NOS1: variants seen among roughly 807,000 people sequenced by gnomAD.
The protein encoded by NOS1 is NOS type I.
NOS1 carries 51 observed loss-of-function variants against 164.5 expected under a neutral mutation model. That is an observed-to-expected ratio of 0.31 (90% CI 0.25 to 0.39). The LOEUF is 0.39. Ranked by LOEUF, NOS1 falls within the 10% of genes least tolerant of loss-of-function variation. The pLI is 1.00. For synonymous variants in NOS1, 719 were observed against 745.8 expected, an observed-to-expected ratio of 0.96 and a Z score of 0.59; for missense variants, 1,362 against 1,885.6, an observed-to-expected ratio of 0.72 and a Z score of 5.14.
chr12:117,357,544 T>A (rs1876910638), intron 1 of NOS1, among the ~76,000 whole-genome samples: 1 of 152,242 alleles, frequency 6.6e-6, no homozygotes, highest in East Asian at 1.9e-4. Context: ...AGTAATGTGC[T>A]GTGTGACTTT....
At chr12:117,299,935 G>A (rs1379975811) in intron 3 of NOS1, among the ~76,000 whole-genome samples, 1 of 151,950 alleles carries the variant, frequency 6.6e-6, no homozygotes, top group Non-Finnish European at 1.5e-5. Flanking sequence ...TATACACTAG[G>A]AATTAATCTT....
At chr12:117,230,123 G>A (rs143515566) in intron 22 of NOS1, among the ~76,000 whole-genome samples, 1,561 of 151,376 alleles carry the variant, frequency 0.01, 17 homozygotes, top group South Asian at 0.066. Context: ...TATGTTGCCC[G>A]GGTTGGTTCC....
Position 117,265,388 on chromosome 12 carries a change from C to A in NOS1, c.2064G>T (p.Met688Ile). The change falls in exon 12 of 29, where the codon ATG becomes ATT. Residue 688 changes from methionine (M) to isoleucine (I), a missense_variant. Met to Ile is a conservative substitution (Grantham distance 10). Coordinates refer to ENST00000317775, the MANE Select transcript of NOS1 (RefSeq NM_000620.5). ...GGAACACAGGGGTGATGCTTCCGGA[C>A]ATGGGGGGCACGATCCACACCCAGT... is the stretch of plus-strand genomic sequence containing the variant. Reference protein sequence around the residue: ...PADWVWIVPPMSGSITPVFHQ... With the variant: ...PADWVWIVPPISGSITPVFHQ... 6.3e-7 allele frequency: 1 copy of A among 1,590,558 alleles called. No individual in the cohort carries two copies. The highest frequency in any genetic ancestry group is 8.6e-7 in the Non-Finnish European group (1 of 1,168,096).
At chr12:117,344,977 G>A (rs897872847) in intron 1 of NOS1, among the ~76,000 whole-genome samples, 2 of 151,718 alleles carry the variant, frequency 1.3e-5, no homozygotes, top group African/African-American at 4.8e-5. Flanking sequence ...GATCAAACGC[G>A]GGCTATTATG....
intron 8 of NOS1, among the ~76,000 whole-genome samples, chr12:117,280,006 T>C (rs1234091391): frequency 1.3e-5 from 2 of 152,132 alleles, no homozygotes; most frequent in African/African-American, 2.4e-5. Context: ...ATTTGGGTGA[T>C]AAAGGAAAGG....
chr12:117,268,889 G>A (rs564238322), intron 10 of NOS1, among the ~76,000 whole-genome samples: 9 of 152,046 alleles, frequency 5.9e-5, no homozygotes, highest in African/African-American at 1.9e-4. Flanking sequence ...GAGCCACCGC[G>A]CCCAGCCTCA....
Position 117,321,559 on chromosome 12 carries a change from A to C in NOS1, c.725+8786T>G, listed in dbSNP as rs564072566. Among the ~76,000 whole-genome samples, 12 of 152,196 alleles carry C rather than the reference A, an allele frequency of 7.9e-5. No individual in the cohort carries two copies. In the East Asian group the frequency reaches 2.3e-3, roughly 29 times the overall value. The stretch of plus-strand genomic sequence containing the variant: ...AGACGGCAGGGACACAGATGGGGAG[A>C]GGGTACAAAGCGAGAGTAATCCCCA... On this transcript the variant is annotated intron_variant, in intron 2 of 28. Coordinates refer to ENST00000317775, the MANE Select transcript of NOS1 (RefSeq NM_000620.5).
chr12:117,225,319 T>TG (rs1398054249), intron 24 of NOS1, among the ~76,000 whole-genome samples, 182 bp from the exon 25 acceptor site: 3 of 152,100 alleles, frequency 2.0e-5, no homozygotes, highest in Non-Finnish European at 2.9e-5. Flanking sequence ...ATTCCAAAAA[T>TG]GGGGGGTCCT....
chr12:117,216,333 C>T (rs1956609974), intron 28 of NOS1, among the ~76,000 whole-genome samples: 2 of 151,016 alleles, frequency 1.3e-5, no homozygotes, highest in South Asian at 4.2e-4. Context: ...CAGGCACCTG[C>T]CACGACGCTC....
chr12:117,225,384 A>T (rs1868578990), intron 24 of NOS1, among the ~76,000 whole-genome samples: 1 of 152,008 alleles, frequency 6.6e-6, no homozygotes, highest in African/African-American at 2.4e-5. Flanking sequence ...AGCTCAGCAA[A>T]TTCAACCCAG....
At chr12:117,323,628 A>G (rs1431982291) in intron 2 of NOS1, among the ~76,000 whole-genome samples, 2 of 152,192 alleles carry the variant, frequency 1.3e-5, no homozygotes, top group Admixed American at 1.3e-4. Flanking sequence ...AGTGCTCCAT[A>G]GAGATTGACC....
intron 15 of NOS1, 100 bp downstream of exon 15, chr12:117,258,926 T>A (rs1279918244): frequency 2.6e-6 from 2 of 757,566 alleles, no homozygotes; most frequent in Admixed American, 2.5e-5. Context: ...TCTGGGAGGG[T>A]TTGCTACTGA....
chr12:117,214,810 A>C lies in NOS1; in HGVS notation c.*499T>G. On this transcript the variant is annotated 3_prime_UTR_variant, in exon 29 of 29. Coordinates refer to ENST00000317775, the MANE Select transcript of NOS1 (RefSeq NM_000620.5). ...AGATCGACACACTTGTGCAGGGAAG[A>C]GGACGGACAGAGACCTGGCCCATCA... 1 of 985,202 alleles carries C rather than the reference A, an allele frequency of 1.0e-6. No homozygotes were observed. Among genetic ancestry groups the C allele is most frequent in the Non-Finnish European group, 1.2e-6 (1 of 830,456 alleles). 61.0% of individuals were successfully genotyped at this position (985,202 alleles called of 1,614,324 possible).
chr12:117,302,682 T>A (rs906863423), intron 3 of NOS1, among the ~76,000 whole-genome samples: 2 of 151,906 alleles, frequency 1.3e-5, no homozygotes, highest in Admixed American at 6.6e-5. Flanking sequence ...TGTGGGCTCA[T>A]GAGTCCAAGG....
At chr12:117,217,953 G>T (rs1956637353) in intron 28 of NOS1, 93 bp downstream of exon 28, 1 of 891,494 alleles carries the variant, frequency 1.1e-6, no homozygotes. Context: ...CTGTTTTGGG[G>T]ACCCTGCCGT....
Position 117,214,457 on chromosome 12 carries a change from G to A in NOS1, c.*852C>T, listed in dbSNP as rs1042162443. 2 of 979,604 alleles carry A rather than the reference G, an allele frequency of 2.0e-6. No individual in the cohort carries two copies. The highest frequency in any genetic ancestry group is 2.4e-6 in the Non-Finnish European group (2 of 825,672). The allele number at this position is 979,604 out of a possible 1,614,324, so 60.7% of individuals were successfully genotyped here. On this transcript the variant is annotated 3_prime_UTR_variant, in exon 29 of 29. Coordinates refer to ENST00000317775, the MANE Select transcript of NOS1 (RefSeq NM_000620.5). ...GTCAATGGATGTGGCAAAGTCAAGT[G>A]ATTCTAGCTGGTATGGGTGGGTTTG... is the stretch of plus-strand genomic sequence containing the variant.
chr12:117,231,881 C>G, intron 22 of NOS1, 81 bp downstream of exon 22: 1 of 1,417,414 alleles, frequency 7.1e-7, no homozygotes, highest in Non-Finnish European at 9.7e-7. Flanking sequence ...TGCTGGAAGC[C>G]TGGTAATAAC....
chr12:117,315,046 G>A (rs894011043), intron 2 of NOS1, among the ~76,000 whole-genome samples: 45 of 152,114 alleles, frequency 3.0e-4, no homozygotes, highest in Admixed American at 2.9e-3. Flanking sequence ...ATGATCACAT[G>A]GTTCATCTTA....
At chr12:117,360,054 A>G (rs1241457319) in intron 1 of NOS1, among the ~76,000 whole-genome samples, 1 of 150,624 alleles carries the variant, frequency 6.6e-6, no homozygotes, top group Non-Finnish European at 1.5e-5. Flanking sequence ...CAGATGAGAA[A>G]CTGAGGCTGG....
Sources: allele counts gnomAD v4.1 joint callset (sites outside exome capture counted in the v4.1 genomes callset), GRCh38; gene constraint gnomAD v4.1.1; transcripts MANE v1.5; gene names NCBI Gene and HGNC (gene_info 2026-07-23, HGNC 2026-07-21).